Variants in CNTN5 observed in about 807,000 individuals in gnomAD.
The protein encoded by CNTN5 is contactin 5, also known as contactin-5.
CNTN5 carries 77 observed loss-of-function variants against 129.1 expected under a neutral mutation model. The ratio of observed to expected loss-of-function variants is 0.60; its 90% CI spans 0.50 to 0.72. The LOEUF (loss-of-function observed/expected upper bound fraction) is 0.72. Among genes scored for constraint, CNTN5 ranks in the 30% least tolerant of loss-of-function variants. The pLI is 0.00. For synonymous variants in CNTN5, 509 were observed against 465.6 expected (o/e 1.09, Z -1.20); for missense variants, 1,478 against 1,328.8 (o/e 1.11, Z -1.75).
chr11:99,137,389 C>G (rs959270855), intron 1 of CNTN5, among the ~76,000 whole-genome samples: 1 of 151,980 alleles, frequency 6.6e-6, no homozygotes, highest in Non-Finnish European at 1.5e-5. Flanking sequence ...TTGCGTTGGC[C>G]CATGTACTTA....
chr11:100,270,146 G>A (rs1950383686), intron 17 of CNTN5, among the ~76,000 whole-genome samples: 1 of 152,134 alleles, frequency 6.6e-6, no homozygotes, highest in African/African-American at 2.4e-5. Context: ...TTGTCGGGCA[G>A]CTCACACTGC....
intron 2 of CNTN5, among the ~76,000 whole-genome samples, chr11:99,547,043 GT>G (rs1948319557): frequency 9.4e-6 from 1 of 106,640 alleles, no homozygotes; most frequent in Non-Finnish European, 1.8e-5. Context: ...TGCCCTTGTT[GT>G]CCAGGCTGGA....
chr11:100,253,761 T>C (rs540313), intron 16 of CNTN5, among the ~76,000 whole-genome samples: 109,648 of 151,940 alleles, frequency 0.72, 39,935 homozygotes, highest in African/African-American at 0.81. Context: ...TGATATTGGG[T>C]GATGCAATAG....
intron 16 of CNTN5, among the ~76,000 whole-genome samples, chr11:100,235,926 A>T (rs1460257620): frequency 2.0e-5 from 3 of 152,212 alleles, no homozygotes; most frequent in South Asian, 2.1e-4. Flanking sequence ...TCTGTCCCAC[A>T]GACCCTGGCC....
chr11:99,778,940 G>C (rs1450794190), intron 3 of CNTN5, among the ~76,000 whole-genome samples: 9 of 151,590 alleles, frequency 5.9e-5, no homozygotes, highest in Admixed American at 2.0e-4. Context: ...ATATAAGTAG[G>C]TGTGTTGTTT....
intron 7 of CNTN5, among the ~76,000 whole-genome samples, chr11:99,931,112 CT>C (rs1210560186): frequency 2.8e-4 from 42 of 152,068 alleles, no homozygotes; most frequent in Admixed American, 2.8e-3. Flanking sequence ...GAATGTAGTG[CT>C]TATCAACAGA....
At chr11:99,971,920 T>C (rs1009370483) in intron 8 of CNTN5, among the ~76,000 whole-genome samples, 6 of 150,762 alleles carry the variant, frequency 4.0e-5, no homozygotes, top group African/African-American at 1.5e-4. Context: ...CCCCAAACAT[T>C]TGTATCAGGA....
intron 1 of CNTN5, among the ~76,000 whole-genome samples, chr11:99,130,325 CA>C (rs1217169361): frequency 2.6e-5 from 4 of 152,012 alleles, no homozygotes; most frequent in African/African-American, 4.8e-5. Context: ...TAGTTTCTGA[CA>C]AAATAGACTT....
At chr11:100,099,154 T>C (rs997992135) in intron 13 of CNTN5, among the ~76,000 whole-genome samples, 2 of 152,090 alleles carry the variant, frequency 1.3e-5, no homozygotes, top group African/African-American at 4.8e-5. Context: ...ATTACCTTGG[T>C]TATACTTAAA....
chr11:99,810,341 A>G (rs1275908240), intron 3 of CNTN5, among the ~76,000 whole-genome samples: 2 of 152,124 alleles, frequency 1.3e-5, no homozygotes, highest in Non-Finnish European at 2.9e-5. Context: ...TCCCTTGTAA[A>G]TATGTCTATT....
chr11:99,853,214 A>T (rs1947929237), intron 6 of CNTN5, among the ~76,000 whole-genome samples: 1 of 152,066 alleles, frequency 6.6e-6, no homozygotes, highest in African/African-American at 2.4e-5. Flanking sequence ...AAGAAACAAC[A>T]ATTATTATGC....
intron 1 of CNTN5, among the ~76,000 whole-genome samples, chr11:99,156,524 T>C (rs1481566208): frequency 6.6e-6 from 1 of 152,022 alleles, no homozygotes; most frequent in African/African-American, 2.4e-5. Context: ...TTAGCTTATA[T>C]ATATTTTGCC....
intron 1 of CNTN5, among the ~76,000 whole-genome samples, chr11:99,263,890 T>A (rs2135832260): frequency 6.6e-6 from 1 of 152,188 alleles, no homozygotes; most frequent in Admixed American, 6.6e-5. Context: ...TAAATACTAC[T>A]CTAGTTGTTA....
chr11:99,344,925 T>G (rs1301126160), intron 2 of CNTN5, among the ~76,000 whole-genome samples: 1 of 152,192 alleles, frequency 6.6e-6, no homozygotes, highest in Non-Finnish European at 1.5e-5. Context: ...AGATTAGACA[T>G]TTCTGGACCT....
Position 99,946,289 on chromosome 11 carries a change from T to C in CNTN5, c.674-10517T>C, listed in dbSNP as rs534519650. Among the ~76,000 whole-genome samples the C allele has an allele frequency of 1.4e-3, 220 of 152,258 alleles. 1 individual carries two copies. The highest frequency in any genetic ancestry group is 6.6e-3 in the South Asian group (32 of 4,826). ...TTTTTATTTAAGCTATAATAGTTTC[T>C]AGTCTTGAGATTTGGGAAAATATCA... On this transcript the variant is annotated intron_variant, in intron 7 of 24. Coordinates refer to ENST00000524871, the MANE Select transcript of CNTN5 (RefSeq NM_014361.4).
chr11:99,760,258 G>A (rs1944535067), intron 3 of CNTN5, among the ~76,000 whole-genome samples: 1 of 152,022 alleles, frequency 6.6e-6, no homozygotes, highest in Non-Finnish European at 1.5e-5. Flanking sequence ...ATAGATTTTT[G>A]TTCAGTGACC....
chr11:99,331,002 A>C (rs951460320), intron 2 of CNTN5, among the ~76,000 whole-genome samples: 2 of 152,022 alleles, frequency 1.3e-5, no homozygotes, highest in Non-Finnish European at 2.9e-5. Context: ...ACAAATATAT[A>C]TATGCAAAAG....
chr11:100,213,144 A>T (rs1756770758), intron 15 of CNTN5, among the ~76,000 whole-genome samples: 1 of 152,168 alleles, frequency 6.6e-6, no homozygotes. Flanking sequence ...ATAGATCAGC[A>T]TCCTTTATTT....
chr11:100,298,320 A>G (rs186242631), intron 19 of CNTN5, among the ~76,000 whole-genome samples: 136 of 151,408 alleles, frequency 9.0e-4, no homozygotes, highest in Middle Eastern at 3.4e-3. Flanking sequence ...CTTTTCTTCG[A>G]TAAAACTTCA....
Sources: gnomAD v4.1 joint callset for allele counts (sites outside exome capture counted in the v4.1 genomes callset) on GRCh38, gnomAD v4.1.1 for gene constraint, MANE v1.5 for transcripts, NCBI Gene and HGNC (gene_info 2026-07-23, HGNC 2026-07-21) for gene names.